The following CAPN15 variants were observed in gnomAD, a reference collection of about 807,000 sequenced individuals.
CAPN15 encodes calpain 15, also known as calpain-15.
A neutral mutation model predicts 97.9 loss-of-function variants in CAPN15; 53 were observed. The observed-to-expected ratio is 0.54, with a 90% confidence interval of 0.43 to 0.68. The LOEUF is 0.68. Ranked by LOEUF, CAPN15 falls within the 30% of genes least tolerant of loss-of-function variation. CAPN15 has a pLI of 0.00. For missense variants in CAPN15, 1,592 were observed against 1,589.8 expected, an observed-to-expected ratio of 1.00 and a Z score of -0.02; for synonymous variants, 922 against 722.5, an observed-to-expected ratio of 1.28 and a Z score of -4.43.
Position 536,098 on chromosome 16 carries a change from C to G in CAPN15, c.-67C>G. Reference sequence around the variant, plus strand: ...CTCGGGGCCACTGCACTGGGTGATTCACGTGTGCCCAGGCCCTGAGGTGGG... The same window carrying G: ...CTCGGGGCCACTGCACTGGGTGATTGACGTGTGCCCAGGCCCTGAGGTGGG... On this transcript the variant is annotated 5_prime_UTR_variant, in exon 3 of 14. Transcript: ENST00000219611. 1.0e-6 allele frequency: 1 copy of G among 982,042 alleles called. No individual in the cohort carries two copies. The highest frequency in any genetic ancestry group is 1.2e-6 in the Non-Finnish European group (1 of 829,138). The allele number at this position is 982,042 out of a possible 1,614,324, so 60.8% of individuals were successfully genotyped here.
intron 1 of CAPN15, chr16:528,725 C>T (rs2033031182): frequency 3.0e-6 from 3 of 985,300 alleles, no homozygotes; most frequent in African/African-American, 3.5e-5. Flanking sequence ...CTGCAGGTAA[C>T]AAGACCCGGA....
chr16:547,971 C>G lies in CAPN15; in HGVS notation c.1133C>G (p.Pro378Arg). Residue 378 changes from proline to arginine, a missense_variant, in exon 4 of 14, where the codon CCC becomes CGC. Physicochemically the swap from Pro to Arg is moderately radical, Grantham distance 103 (BLOSUM62 -2). Transcript: ENST00000219611. ...LHGFQEHGEP[P>R]THCPDCGADK... Reference sequence around the variant, plus strand: ...GGCTTCCAGGAGCATGGCGAGCCCCCCACCCACTGCCCCGACTGTGGGGCC... The same window carrying G: ...GGCTTCCAGGAGCATGGCGAGCCCCGCACCCACTGCCCCGACTGTGGGGCC... The G allele has an allele frequency of 6.3e-7, 1 of 1,584,266 alleles. No homozygotes were observed. The highest frequency in any genetic ancestry group is 8.6e-7 in the Non-Finnish European group (1 of 1,167,124).
Position 547,453 on chromosome 16 carries a change from C to T in CAPN15, c.615C>T (p.Pro205=), listed in dbSNP as rs141612773. ...CTGCCGCGCCTCCACCTGGCCTCCC[C>T]GGGGAAGGTGCCGAGGCCAACCCCC... ...VVPAAPPPGL[P]GEGAEANPPA... Residue 205 remains proline, a synonymous_variant, in exon 4 of 14, where the codon CCC becomes CCT. Transcript: ENST00000219611. 3.9e-4 allele frequency: 614 copies of T among 1,590,940 alleles called. 1 individual carries two copies. The highest frequency in any genetic ancestry group is 2.7e-3 in the South Asian group (244 of 89,950).
chr16:548,918 G>T, intron 4 of CAPN15, 75 bp from the exon 5 acceptor site: 1 of 1,388,420 alleles, frequency 7.2e-7, no homozygotes. Context: ...GCGCTCTCCT[G>T]GGTGGGGTCT....
intron 7 of CAPN15, among the ~76,000 whole-genome samples, chr16:550,827 G>C (rs866389665): frequency 4.9e-3 from 92 of 18,662 alleles, no homozygotes; most frequent in Non-Finnish European, 5.7e-3. Context: ...CGGTGAGGGT[G>C]CCCCGTCGGT....
chr16:528,815 C>G (rs1352798184), intron 1 of CAPN15: 1 of 950,924 alleles, frequency 1.1e-6, no homozygotes, highest in African/African-American at 1.8e-5. Context: ...CCGTTGGGTG[C>G]TGAAGAGTTG....
At position 530,805 on chromosome 16, in the gene CAPN15, C is replaced by G. The variant is rs796179307; in HGVS notation, c.-190+2776C>G. 1.4e-3 allele frequency among the ~76,000 whole-genome samples: 206 copies of G among 152,352 alleles called. 1 individual carries two copies. The highest frequency in any genetic ancestry group is 4.7e-3 in the African/African-American group (197 of 41,580). On this transcript the variant is annotated intron_variant, in intron 1 of 13. Transcript: ENST00000219611. Reference sequence around the variant, plus strand: ...GTGGGCCCCCCAAGATGAGCTGCGTCAGGCTGTTGCTTTGCACACTCTGAG... The same window carrying G: ...GTGGGCCCCCCAAGATGAGCTGCGTGAGGCTGTTGCTTTGCACACTCTGAG...
chr16:530,405 A>G (rs943313210), intron 1 of CAPN15, among the ~76,000 whole-genome samples: 3 of 152,234 alleles, frequency 2.0e-5, no homozygotes, highest in African/African-American at 7.2e-5. Context: ...CTGGCAGCCC[A>G]GGGGGACTCC....
intron 4 of CAPN15, 77 bp from the exon 5 acceptor site, chr16:548,916 C>G (rs1596351779): frequency 7.2e-7 from 1 of 1,385,942 alleles, no homozygotes; most frequent in East Asian, 2.3e-5. Flanking sequence ...GGGCGCTCTC[C>G]TGGGTGGGGT....
intron 1 of CAPN15, among the ~76,000 whole-genome samples, chr16:532,218 C>T (rs1409229354): frequency 1.3e-3 from 163 of 121,234 alleles, no homozygotes; most frequent in African/African-American, 3.2e-3. Flanking sequence ...CCAGCCTAGG[C>T]GACAGAGCTA....
At chr16:536,685 C>T (rs8052670) in intron 3 of CAPN15, among the ~76,000 whole-genome samples, 1 of 152,096 alleles carries the variant, frequency 6.6e-6, no homozygotes, top group Non-Finnish European at 1.5e-5. Context: ...CGGCCTCCCA[C>T]AGTGCTGGGA....
intron 3 of CAPN15, among the ~76,000 whole-genome samples, chr16:541,855 C>T (rs13336503): frequency 0.074 from 10,982 of 148,340 alleles, 949 homozygotes; most frequent in African/African-American, 0.26. Context: ...GGCCACAGGA[C>T]GTGGCTGGCT....
Position 547,136 on chromosome 16 carries a change from A to C in CAPN15, c.298A>C (p.Ser100Arg). 3.2e-6 allele frequency: 5 copies of C among 1,557,154 alleles called. No individual in the cohort carries two copies. Among genetic ancestry groups the C allele is most frequent in the Non-Finnish European group, 4.3e-6 (5 of 1,153,622 alleles). Residue 100 changes from serine (S) to arginine (R), a missense_variant, in exon 4 of 14, where the codon AGC (serine) becomes CGC (arginine). Physicochemically the swap from Ser to Arg is moderately radical, Grantham distance 110. Coordinates refer to ENST00000219611, the MANE Select transcript of CAPN15 (RefSeq NM_005632.3). ...PPAILGEPKG[S>R]CQEEAGPVRT... ...CGCCATCCTGGGGGAGCCCAAGGGCAGCTGCCAGGAGGAAGCAGGTCCAGT... is the reference window on the plus strand; with the variant it reads ...CGCCATCCTGGGGGAGCCCAAGGGCCGCTGCCAGGAGGAAGCAGGTCCAGT...
intron 3 of CAPN15, among the ~76,000 whole-genome samples, chr16:546,073 G>A (rs743966): frequency 0.079 from 12,089 of 152,190 alleles, 1,602 homozygotes; most frequent in African/African-American, 0.28. Flanking sequence ...GAGCCTCGCC[G>A]GGCCCAGTCC....
At position 551,452 on chromosome 16, in the gene CAPN15, G is replaced by A. The variant is rs770844595; in HGVS notation, c.2192+25G>A. On this transcript the variant is annotated intron_variant, in intron 8 of 13. Coordinates refer to ENST00000219611, the MANE Select transcript of CAPN15 (RefSeq NM_005632.3). ...GGTAGGGCCGGCCTGGCTGAGGGTG[G>A]GTGGGGTGCCGGTGAGACTCGGGCA... The A allele has an allele frequency of 1.3e-5, 21 of 1,601,188 alleles. No homozygotes were observed. In the Admixed American group the frequency reaches 2.8e-4, roughly 22 times the overall value.
At position 552,630 on chromosome 16, in the gene CAPN15, G is replaced by T. The variant is rs373284396; in HGVS notation, c.2763G>T (p.Pro921=). The T allele has an allele frequency of 6.5e-7, 1 of 1,537,220 alleles. No individual in the cohort carries two copies. Among genetic ancestry groups the T allele is most frequent in the Non-Finnish European group, 8.7e-7 (1 of 1,143,204 alleles). ...PQASSPSAGV[P]RASPEPPGHV... is the part of the protein sequence containing the mutation. ...CCTCCAGCCCCTCGGCAGGGGTCCCGAGAGCCTCCCCAGAGCCGCCGGGCC... is the reference window on the plus strand; with the variant it reads ...CCTCCAGCCCCTCGGCAGGGGTCCCTAGAGCCTCCCCAGAGCCGCCGGGCC... Residue 921 remains proline, a synonymous_variant, in exon 12 of 14, where the codon CCG becomes CCT. Transcript: ENST00000219611. The surrounding 1 kb of genome is among the most constrained non-coding windows in gnomAD (Gnocchi z 6.4).
rs995716256 is a variant in CAPN15 at position 547,280 on chromosome 16, G to A, written c.442G>A (p.Ala148Thr). ...EGAAEPRGGW[A>T]CPRCTLHNTP... ...AGCGGCGGAGCCCAGAGGGGGCTGG[G>A]CGTGTCCGCGTTGCACGCTGCACAA... Residue 148 changes from alanine to threonine, a missense_variant, in exon 4 of 14, where the codon GCG becomes ACG. Around this residue, in one of 3 missense-constraint regions of CAPN15, gnomAD observed 883 missense variants for 776.6 expected, o/e 1.14. Transcript: ENST00000219611. 2 of 1,510,904 alleles carry A rather than the reference G, an allele frequency of 1.3e-6. No individual in the cohort carries two copies. The highest frequency in any genetic ancestry group is 1.8e-6 in the Non-Finnish European group (2 of 1,134,368). 93.6% of individuals were successfully genotyped at this position (1,510,904 alleles called of 1,614,324 possible).
chr16:537,435 G>A, intron 3 of CAPN15: 3 of 985,746 alleles, frequency 3.0e-6, no homozygotes, highest in Non-Finnish European at 3.6e-6. Context: ...GTGCCACGTG[G>A]GTGAGTGCGT....
At chr16:551,795 GAGC>G in intron 9 of CAPN15, 131 bp downstream of exon 9, 1 of 1,224,912 alleles carries the variant, frequency 8.2e-7, no homozygotes, top group Non-Finnish European at 1.2e-6. Flanking sequence ...ATGGGACCTG[GAGC>G]TTCAGCTCCA....
Sources: allele counts gnomAD v4.1 joint callset (sites outside exome capture counted in the v4.1 genomes callset), GRCh38; gene constraint gnomAD v4.1.1; regional missense constraint gnomAD v4.1.1; non-coding constraint Gnocchi (gnomAD v3.1); transcripts MANE v1.5; gene names NCBI Gene and HGNC (gene_info 2026-07-23, HGNC 2026-07-21).